GPM6A: variants seen among roughly 807,000 people sequenced by gnomAD.
GPM6A encodes neuronal membrane glycoprotein M6-a.
A neutral mutation model predicts 32.1 loss-of-function variants in GPM6A; 7 were observed. The observed-to-expected ratio is 0.22, with a 90% CI of 0.12 to 0.41. GPM6A has a LOEUF of 0.41. Among genes scored for constraint, GPM6A ranks in the 10% least tolerant of loss-of-function variants. The pLI is 1.00. For missense variants in GPM6A, 235 were observed against 347.2 expected, an observed-to-expected ratio of 0.68 and a Z score of 2.57; for synonymous variants, 130 against 123.4, an observed-to-expected ratio of 1.05 and a Z score of -0.35.
chr4:175,680,141 A>G (rs1229334280), intron 2 of GPM6A, among the ~76,000 whole-genome samples: 1 of 152,202 alleles, frequency 6.6e-6, no homozygotes, highest in African/African-American at 2.4e-5. Flanking sequence ...GTGTACATGT[A>G]TGTGTGTTCA....
chr4:175,824,586 A>G lies in GPM6A; in HGVS notation c.-22-12337T>C, dbSNP rs535413522. On this transcript the variant is annotated intron_variant, in intron 1 of 7. Coordinates refer to the GPM6A transcript ENST00000280187. The stretch of plus-strand genomic sequence containing the variant: ...CTGATATCCATTTCCCCTGCCTGTC[A>G]TTGTGGTCAGAAACCACGAGCTACA... Among the ~76,000 whole-genome samples the G allele has an allele frequency of 2.4e-4, 36 of 151,928 alleles. 1 individual carries two copies. Among genetic ancestry groups the G allele is most frequent in the African/African-American group, 8.0e-4 (33 of 41,456 alleles).
intron 1 of GPM6A, among the ~76,000 whole-genome samples, chr4:175,872,022 C>T (rs1252365083): frequency 2.0e-5 from 3 of 152,128 alleles, no homozygotes; most frequent in Admixed American, 2.0e-4. Flanking sequence ...AACACAATCT[C>T]TCTATGGTTT....
chr4:175,799,361 C>T (rs943018109), intron 1 of GPM6A, among the ~76,000 whole-genome samples: 3 of 152,096 alleles, frequency 2.0e-5, no homozygotes, highest in Non-Finnish European at 4.4e-5. Context: ...CAGTAGCATT[C>T]AATGACCTCT....
intron 1 of GPM6A, among the ~76,000 whole-genome samples, chr4:175,997,917 T>C (rs1403723583): frequency 6.6e-6 from 1 of 152,060 alleles, no homozygotes; most frequent in South Asian, 2.1e-4. Flanking sequence ...TATCATGCAG[T>C]TGGCATCCTT....
At chr4:175,930,437 TTTTTG>T (rs746348993) in intron 1 of GPM6A, among the ~76,000 whole-genome samples, 947 of 92,406 alleles carry the variant, frequency 0.01, 4 homozygotes, top group Non-Finnish European at 0.018. Flanking sequence ...GGGGGGGGTT[TTTTTG>T]TTGTTGTTTT....
intron 1 of GPM6A, chr4:175,787,593 C>A: frequency 7.4e-7 from 1 of 1,347,342 alleles, no homozygotes; most frequent in Admixed American, 3.4e-5. Flanking sequence ...ATTTCTAATT[C>A]AGCTTTTTTC....
At chr4:175,674,367 G>A in intron 2 of GPM6A, among the ~76,000 whole-genome samples, 1 of 152,118 alleles carries the variant, frequency 6.6e-6, no homozygotes. Flanking sequence ...AGAAGAGGCA[G>A]GGTTTCACCA....
chr4:175,799,885 G>T (rs1346133728), intron 1 of GPM6A, among the ~76,000 whole-genome samples: 2 of 151,996 alleles, frequency 1.3e-5, no homozygotes, highest in Non-Finnish European at 2.9e-5. Flanking sequence ...CTTGTTAGCC[G>T]CAAGTGTTTT....
At chr4:175,905,556 A>G (rs1274411912) in intron 1 of GPM6A, among the ~76,000 whole-genome samples, 1 of 152,090 alleles carries the variant, frequency 6.6e-6, no homozygotes, top group African/African-American at 2.4e-5. Context: ...AGAAGGGAGA[A>G]GGTGGGGCAC....
At chr4:175,674,795 T>C (rs1413712248) in intron 2 of GPM6A, among the ~76,000 whole-genome samples, 2 of 152,122 alleles carry the variant, frequency 1.3e-5, no homozygotes, top group African/African-American at 4.8e-5. Context: ...TACTCACTAA[T>C]GAATATTCAG....
intron 1 of GPM6A, chr4:175,906,704 A>C (rs1020772113): frequency 1.3e-5 from 2 of 152,138 alleles, no homozygotes; most frequent in African/African-American, 4.8e-5. Flanking sequence ...CCGATACTGC[A>C]AACTTGGGGC....
At chr4:175,676,702 C>T (rs1743387283) in intron 2 of GPM6A, among the ~76,000 whole-genome samples, 1 of 152,048 alleles carries the variant, frequency 6.6e-6, no homozygotes, top group South Asian at 2.1e-4. Flanking sequence ...GCTACGATCA[C>T]ACCACTGCAC....
chr4:175,938,403 C>T (rs949341318), intron 1 of GPM6A, among the ~76,000 whole-genome samples: 14 of 152,276 alleles, frequency 9.2e-5, no homozygotes, highest in Admixed American at 2.0e-4. Context: ...TCCACAGCCG[C>T]GCCAGCATCT....
chr4:175,764,359 A>G (rs1732876576), intron 1 of GPM6A, among the ~76,000 whole-genome samples: 1 of 152,244 alleles, frequency 6.6e-6, no homozygotes, highest in South Asian at 2.1e-4. Flanking sequence ...ATTCTTTCTT[A>G]TGCTTGAATG....
At chr4:175,892,622 A>G (rs1737682448) in intron 1 of GPM6A, among the ~76,000 whole-genome samples, 1 of 152,090 alleles carries the variant, frequency 6.6e-6, no homozygotes, top group Non-Finnish European at 1.5e-5. Flanking sequence ...CATTTGCTTG[A>G]TCCCTACAGC....
intron 1 of GPM6A, among the ~76,000 whole-genome samples, chr4:175,721,132 A>AAT (rs1228040043): frequency 0.025 from 3,100 of 124,142 alleles, 71 homozygotes; most frequent in Non-Finnish European, 0.042. Flanking sequence ...TTTTAAAAAG[A>AAT]ATATATATAT....
intron 1 of GPM6A, among the ~76,000 whole-genome samples, chr4:175,868,064 C>A (rs560889409): frequency 6.6e-5 from 10 of 152,176 alleles, no homozygotes; most frequent in Non-Finnish European, 1.3e-4. Flanking sequence ...CCCCGTGACT[C>A]GGTTTCTCTC....
At chr4:175,969,725 TAAC>T (rs772784001) in intron 1 of GPM6A, among the ~76,000 whole-genome samples, 3 of 151,886 alleles carry the variant, frequency 2.0e-5, no homozygotes, top group Non-Finnish European at 4.4e-5. Flanking sequence ...ATAAGAATAA[TAAC>T]AACAACAATA....
intron 1 of GPM6A, among the ~76,000 whole-genome samples, chr4:175,840,498 C>T (rs1579557932): frequency 6.6e-6 from 1 of 152,144 alleles, no homozygotes; most frequent in East Asian, 1.9e-4. Flanking sequence ...GCTAACATGG[C>T]GAAACATCTT....
Sources: allele counts gnomAD v4.1 joint callset (sites outside exome capture counted in the v4.1 genomes callset), GRCh38; gene constraint gnomAD v4.1.1; transcripts MANE v1.5; gene names NCBI Gene and HGNC (gene_info 2026-07-23, HGNC 2026-07-21).